Variants in VRTN observed in about 807,000 individuals in gnomAD.
VRTN encodes the protein vertebrae development associated.
VRTN carries 5 observed loss-of-function variants against 18.2 expected under a neutral mutation model. That is an observed-to-expected ratio of 0.27 (90% CI 0.14 to 0.58). The LOEUF (loss-of-function observed/expected upper bound fraction) is 0.58, where lower values mean the gene tolerates loss of function less well. Among genes scored for constraint, VRTN ranks in the 20% least tolerant of loss-of-function variants. VRTN has a pLI of 0.91. For missense variants in VRTN, 741 were observed against 939.4 expected (o/e 0.79, Z 2.76); for synonymous variants, 381 against 393.7 (o/e 0.97, Z 0.38).
chr14:74,357,951 T>G lies in VRTN; in HGVS notation c.1168T>G (p.Ser390Ala). 6.2e-7 allele frequency: 1 copy of G among 1,614,156 alleles called. No homozygotes were observed. Among genetic ancestry groups the G allele is most frequent in the Non-Finnish European group, 8.5e-7 (1 of 1,180,030 alleles). Residue 390 changes from serine to alanine, a missense_variant, in exon 2 of 2, where the codon TCC becomes GCC. Physicochemically the swap from Ser to Ala is moderately conservative, Grantham distance 99. This residue lies in a region of VRTN where 494 missense variants were observed against 546.5 expected (regional missense o/e 0.90). Coordinates refer to ENST00000256362, the MANE Select transcript of VRTN (RefSeq NM_018228.3). The surrounding 1 kb of genome is among the most constrained non-coding windows in gnomAD (Gnocchi z 7.8). ...GGTGGCTGAGGAGGAGCTGGAGTGC[T>G]CCGCACTGGCGGTGTCAAGCCCTGG... ...EQVAEEELEC[S>A]ALAVSSPGMV...
Position 74,358,817 on chromosome 14 carries a change from T to TC in VRTN, c.2038dup (p.Leu680ProfsTer16). The TC allele has an allele frequency of 6.2e-7, 1 of 1,614,196 alleles. No homozygotes were observed. The highest frequency in any genetic ancestry group is 8.5e-7 in the Non-Finnish European group (1 of 1,180,024). ...CCTACAAGGAGTTCAGTGCCCTCTT[T>TC]CCCCTCACTGCCCGCTCCACATACT... On this transcript the variant is annotated frameshift_variant, in exon 2 of 2. Transcript: ENST00000256362. LOFTEE classifies it high-confidence loss of function. The surrounding 1 kb of genome is among the most constrained non-coding windows in gnomAD (Gnocchi z 5.4).
rs544941733 is a variant in VRTN, at chr14:74,306,221, A to G, written c.-164+3045A>G. Among the ~76,000 whole-genome samples, 27 of 130,856 alleles carry G rather than the reference A, an allele frequency of 2.1e-4. 1 individual carries two copies. Among genetic ancestry groups the G allele is most frequent in the South Asian group, 1.2e-3 (5 of 4,068 alleles). 85.8% of individuals were successfully genotyped at this position (130,856 alleles called of 152,430 possible). A position where few individuals can be genotyped will look rare whatever the true frequency, so the allele number is the denominator to read the frequency against. On this transcript the variant is annotated intron_variant, in intron 1 of 2. Coordinates refer to the VRTN transcript ENST00000557177. ...AGTCTTGCTCTGTTGCCCATGCTGGAGTGCAGTGGTGGGATCACAGCTGAC... is the reference window on the plus strand; with the variant it reads ...AGTCTTGCTCTGTTGCCCATGCTGGGGTGCAGTGGTGGGATCACAGCTGAC...
At chr14:74,304,339 A>G (rs2085279465) in intron 1 of VRTN, among the ~76,000 whole-genome samples, 1 of 151,868 alleles carries the variant, frequency 6.6e-6, no homozygotes, top group Non-Finnish European at 1.5e-5. Flanking sequence ...TATTTTTAGT[A>G]GAGACGTGGT....
intron 1 of VRTN, among the ~76,000 whole-genome samples, chr14:74,305,053 T>C (rs1668598948): frequency 6.6e-6 from 1 of 151,860 alleles, no homozygotes. Flanking sequence ...AGTAGCAGGC[T>C]GGGCACGGTG....
intron 1 of VRTN, among the ~76,000 whole-genome samples, chr14:74,313,542 G>C (rs559178222): frequency 6.6e-6 from 1 of 152,200 alleles, no homozygotes; most frequent in Non-Finnish European, 1.5e-5. Context: ...AGTGAGAACA[G>C]CCTATTAAAT....
intron 1 of VRTN, among the ~76,000 whole-genome samples, chr14:74,321,724 G>A (rs1183990239): frequency 6.6e-6 from 1 of 152,024 alleles, no homozygotes; most frequent in Non-Finnish European, 1.5e-5. Context: ...GGCTGGTCTC[G>A]AACTCCTGAC....
upstream of VRTN, among the ~76,000 whole-genome samples, chr14:74,345,876 A>T (rs569402114): frequency 2.9e-3 from 431 of 148,650 alleles, no homozygotes; most frequent in Non-Finnish European, 3.5e-3. Context: ...GTGAGCCGAG[A>T]TTGTGCCACT....
At chr14:74,351,802 C>G (rs950174659) in intron 1 of VRTN, among the ~76,000 whole-genome samples, 2 of 152,102 alleles carry the variant, frequency 1.3e-5, no homozygotes, top group East Asian at 3.9e-4. Context: ...TTTTAAACGA[C>G]TTTCCTTCTT....
At chr14:74,306,322 C>T (rs993316455) in intron 1 of VRTN, among the ~76,000 whole-genome samples, 1 of 150,546 alleles carries the variant, frequency 6.6e-6, no homozygotes, top group African/African-American at 2.4e-5. Flanking sequence ...GCTGGCATCA[C>T]ACACAGCTAA....
At chr14:74,320,409 C>T (rs1274537379) in intron 1 of VRTN, among the ~76,000 whole-genome samples, 5 of 149,794 alleles carry the variant, frequency 3.3e-5, no homozygotes, top group African/African-American at 7.3e-5. Context: ...TACAGGCGCC[C>T]GCCGCCACCA....
chr14:74,329,464 A>G (rs1013516380), intron 1 of VRTN, among the ~76,000 whole-genome samples: 2 of 151,722 alleles, frequency 1.3e-5, no homozygotes, highest in African/African-American at 2.4e-5. Context: ...AGGTTTTGCA[A>G]TGTTGCCCTG....
In VRTN at chr14:74,315,313, A is replaced by G. The variant is rs983644481; in HGVS notation, c.-164+12137A>G. On this transcript the variant is annotated intron_variant, in intron 1 of 2. Coordinates refer to the VRTN transcript ENST00000557177. ...ACTGCAACCTCCACCTCCCAGATTC[A>G]TGCGAGTCTTGTGCCTCAGCCTCCT... Among the ~76,000 whole-genome samples the G allele has an allele frequency of 3.3e-4, 50 of 152,234 alleles. 1 individual carries two copies. In the East Asian group the frequency reaches 8.1e-3, roughly 25 times the overall value.
intron 1 of VRTN, among the ~76,000 whole-genome samples, chr14:74,350,694 G>A (rs1372233788): frequency 6.6e-6 from 1 of 152,174 alleles, no homozygotes; most frequent in African/African-American, 2.4e-5. Context: ...TCTTGCGAAA[G>A]CTACTTAATG....
chr14:74,331,026 C>T (rs1472588353), intron 1 of VRTN, among the ~76,000 whole-genome samples: 8 of 150,152 alleles, frequency 5.3e-5, no homozygotes, highest in Admixed American at 1.3e-4. Context: ...AGTGAAACCC[C>T]GTCTCTACTA....
intron 1 of VRTN, among the ~76,000 whole-genome samples, chr14:74,330,334 C>T (rs2085513453): frequency 1.3e-5 from 2 of 152,088 alleles, no homozygotes; most frequent in Admixed American, 6.6e-5. Context: ...ACTACTTGCC[C>T]TGCTCTTTCT....
intron 2 of VRTN, among the ~76,000 whole-genome samples, chr14:74,338,055 G>A (rs781277140): frequency 8.5e-4 from 129 of 152,132 alleles, no homozygotes; most frequent in Non-Finnish European, 1.6e-4. Context: ...ATCACATTGT[G>A]CCATATATAT....
At chr14:74,323,807 AG>A (rs2085470623) in intron 1 of VRTN, among the ~76,000 whole-genome samples, 1 of 152,176 alleles carries the variant, frequency 6.6e-6, no homozygotes, top group South Asian at 2.1e-4. Flanking sequence ...TCATCTGGGA[AG>A]GGTTGCCAGA....
At chr14:74,344,296 C>T (rs2085627741), upstream of VRTN, among the ~76,000 whole-genome samples, 1 of 124,750 alleles carries the variant, frequency 8.0e-6, no homozygotes, top group African/African-American at 3.0e-5. Context: ...AGCTATGGTC[C>T]CAGCCAGTTG....
chr14:74,343,394 G>T (rs1016894399), intron 2 of VRTN, among the ~76,000 whole-genome samples: 1 of 152,056 alleles, frequency 6.6e-6, no homozygotes, highest in Non-Finnish European at 1.5e-5. Flanking sequence ...CCAAAGGGCT[G>T]GGATTACAGG....
Sources: gnomAD v4.1 joint callset for allele counts (sites outside exome capture counted in the v4.1 genomes callset) on GRCh38, gnomAD v4.1.1 for gene constraint, gnomAD v4.1.1 regional missense constraint, Gnocchi (gnomAD v3.1) non-coding constraint, MANE v1.5 for transcripts, NCBI Gene and HGNC (gene_info 2026-07-23, HGNC 2026-07-21) for gene names.